The following POLA1 variants were observed in gnomAD, a reference collection of about 807,000 sequenced individuals.
The protein encoded by POLA1 is DNA polymerase alpha 1, catalytic subunit.
In POLA1, 15 loss-of-function variants were observed where a neutral mutation model predicts 124.0. The ratio of observed to expected loss-of-function variants is 0.12; its 90% CI spans 0.08 to 0.19. POLA1 has a LOEUF of 0.19. Among genes scored for constraint, POLA1 ranks in the 10% least tolerant of loss-of-function variants. The probability of loss-of-function intolerance (pLI) is 1.00; values close to 1 mark genes in which losing one functional copy is unlikely to be tolerated. For synonymous variants in POLA1, 408 were observed against 389.4 expected (o/e 1.05, Z -0.56); for missense variants, 886 against 1,103.4 (o/e 0.80, Z 2.79).
At chrX:24,841,079 T>C (rs1205428338) in intron 32 of POLA1, among the ~76,000 whole-genome samples, 1 of 112,188 alleles carries the variant, frequency 8.9e-6, no homozygotes, top group African/African-American at 3.2e-5. Flanking sequence ...TTTGCACATA[T>C]TTTAAATTTC....
At chrX:24,808,117 A>C (rs770082293) in intron 26 of POLA1, among the ~76,000 whole-genome samples, 1 of 111,914 alleles carries the variant, frequency 8.9e-6, no homozygotes, top group Non-Finnish European at 1.9e-5. Context: ...ACCTAAAGCC[A>C]GTAGAGACGC....
Position 24,699,462 on chromosome X carries a change from C to T in POLA1, c.81C>T (p.Ala27=). The T allele has an allele frequency of 8.5e-7, 1 of 1,180,132 alleles. No individual in the cohort carries two copies. Among genetic ancestry groups the T allele is most frequent in the Non-Finnish European group, 1.1e-6 (1 of 876,545 alleles). Residue 27 remains alanine (A), a synonymous_variant, in exon 2 of 37, where the codon GCC becomes GCT. Coordinates refer to ENST00000379068, the MANE Select transcript of POLA1 (RefSeq NM_001330360.2). ...SDSGSFVSSR[A]RREKKSKKGR... is the part of the protein sequence containing the mutation. ...CAGGGAGTTTTGTATCTTCTCGAGC[C>T]CGGCGAGAAAAAAAATCAAAGAAGG...
chrX:24,886,138 C>T (rs1271379056), intron 34 of POLA1, among the ~76,000 whole-genome samples: 2 of 111,620 alleles, frequency 1.8e-5, no homozygotes, highest in African/African-American at 6.5e-5. Flanking sequence ...ATAGTTGGTA[C>T]CACGCAACTT....
chrX:24,940,514 T>A (rs895812456), intron 36 of POLA1, among the ~76,000 whole-genome samples: 1 of 111,254 alleles, frequency 9.0e-6, no homozygotes, highest in African/African-American at 3.3e-5. Flanking sequence ...GTACTATGAG[T>A]TTCAGGAATT....
chrX:24,709,140 C>T (rs1400223956), intron 4 of POLA1, among the ~76,000 whole-genome samples: 1 of 76,299 alleles, frequency 1.3e-5, no homozygotes, highest in Non-Finnish European at 2.6e-5. Flanking sequence ...GTAGGGGCGG[C>T]CGGGCAGAGG....
intron 35 of POLA1, among the ~76,000 whole-genome samples, chrX:24,889,165 C>T (rs971931387): frequency 9.0e-6 from 1 of 111,191 alleles, no homozygotes; most frequent in African/African-American, 3.3e-5. Context: ...CCACCGCACC[C>T]GGCCACTCAA....
chrX:24,786,178 G>A (rs369884146), intron 26 of POLA1, among the ~76,000 whole-genome samples: 26 of 112,295 alleles, frequency 2.3e-4, no homozygotes, highest in African/African-American at 7.4e-4. Context: ...GAACATGGGC[G>A]TACAGAAAAA....
intron 24 of POLA1, among the ~76,000 whole-genome samples, chrX:24,745,999 G>A (rs1460489283): frequency 9.0e-6 from 1 of 111,708 alleles, no homozygotes; most frequent in African/African-American, 3.3e-5. Flanking sequence ...TTATATGCGT[G>A]TGTGGTGTAT....
At chrX:24,707,925 G>A (rs1413322719) in intron 4 of POLA1, among the ~76,000 whole-genome samples, 1 of 111,874 alleles carries the variant, frequency 8.9e-6, no homozygotes, top group Non-Finnish European at 1.9e-5. Context: ...AACCCGGGAG[G>A]CAGAGGTTGC....
intron 36 of POLA1, among the ~76,000 whole-genome samples, chrX:24,989,170 T>C (rs1385527473): frequency 9.0e-6 from 1 of 111,489 alleles, no homozygotes; most frequent in Non-Finnish European, 1.9e-5. Context: ...TGGTTCTTAG[T>C]TGAGGGGGGC....
At position 24,716,887 on chromosome X, in the gene POLA1, G is replaced by T. The variant is rs376454156; in HGVS notation, c.622G>T (p.Val208Phe). The T allele has an allele frequency of 1.4e-5, 16 of 1,176,888 alleles. No individual in the cohort carries two copies. The highest frequency in any genetic ancestry group is 1.6e-5 in the Non-Finnish European group (14 of 867,373). Residue 208 changes from valine to phenylalanine, a missense_variant, in exon 8 of 37, where the codon GTT becomes TTT. Transcript: ENST00000379068. The stretch of plus-strand genomic sequence containing the variant: ...AAATATTTAAAAACGTTTACAGGCA[G>T]TTCCTTCAGGAAAAATTGCTTCCCC... ...NPFSVHTATA[V>F]PSGKIASPVS...
chrX:24,763,078 C>G (rs896894977), intron 26 of POLA1, among the ~76,000 whole-genome samples: 15 of 111,333 alleles, frequency 1.3e-4, no homozygotes, highest in African/African-American at 4.9e-4. Context: ...GATTGGCTCA[C>G]ATTTCCATTT....
chrX:24,757,436 CTTTTTT>C (rs66782103), intron 26 of POLA1, among the ~76,000 whole-genome samples: 2 of 62,140 alleles, frequency 3.2e-5, no homozygotes. Flanking sequence ...AAATCTGAAA[CTTTTTT>C]TTTTTTTTTT....
At chrX:24,952,522 A>G (rs1037158146) in intron 36 of POLA1, among the ~76,000 whole-genome samples, 2 of 112,031 alleles carry the variant, frequency 1.8e-5, no homozygotes, top group Non-Finnish European at 3.8e-5. Flanking sequence ...TTACTGCTCA[A>G]ATGAAAAAAG....
intron 36 of POLA1, among the ~76,000 whole-genome samples, chrX:24,954,710 C>G (rs780787155): frequency 8.9e-6 from 1 of 112,075 alleles, no homozygotes; most frequent in African/African-American, 3.2e-5. Context: ...TTTAGCCTGT[C>G]ACATTTGGTG....
chrX:24,783,848 C>T (rs889219416), intron 26 of POLA1, among the ~76,000 whole-genome samples: 14 of 110,867 alleles, frequency 1.3e-4, no homozygotes, highest in African/African-American at 4.6e-4. Flanking sequence ...AATAAAAATT[C>T]AGTTTCTAAG....
chrX:24,951,490 A>C (rs1415143299), intron 36 of POLA1, among the ~76,000 whole-genome samples: 1 of 109,362 alleles, frequency 9.1e-6, no homozygotes, highest in African/African-American at 3.3e-5. Flanking sequence ...TTATCACATT[A>C]GCTATCCAAA....
At chrX:24,876,684 G>GC (rs1454092379) in intron 34 of POLA1, among the ~76,000 whole-genome samples, 1 of 95,989 alleles carries the variant, frequency 1.0e-5, no homozygotes, top group African/African-American at 5.2e-5. Context: ...CTGGGGTCGG[G>GC]GGGGGGGATA....
At position 24,705,376 on chromosome X, in the gene POLA1, T is replaced by C. The variant is rs971388184; in HGVS notation, c.346+907T>C. 2.7e-5 allele frequency among the ~76,000 whole-genome samples: 3 copies of C among 111,896 alleles called. No individual in the cohort carries two copies. The Admixed American group carries it at 2.9e-4, about 11-fold the overall frequency. Reference sequence around the variant, plus strand: ...AATATGTGACCAAAAGCCTAACATCTGTGCTGTCTTGCCCTTTACTGTCTG... The same window carrying C: ...AATATGTGACCAAAAGCCTAACATCCGTGCTGTCTTGCCCTTTACTGTCTG... On this transcript the variant is annotated intron_variant, in intron 4 of 36. Coordinates refer to ENST00000379068, the MANE Select transcript of POLA1 (RefSeq NM_001330360.2).
Sources: gnomAD v4.1 joint callset for allele counts (sites outside exome capture counted in the v4.1 genomes callset) on GRCh38, gnomAD v4.1.1 for gene constraint, MANE v1.5 for transcripts, NCBI Gene and HGNC (gene_info 2026-07-23, HGNC 2026-07-21) for gene names.